NKIRAS1: variants seen among roughly 807,000 people sequenced by gnomAD.
NKIRAS1 encodes NF-kappa-B inhibitor-interacting Ras-like protein 1.
A neutral mutation model predicts 19.8 loss-of-function variants in NKIRAS1; 16 were observed. The observed-to-expected ratio is 0.81, with a 90% CI of 0.55 to 1.23. The LOEUF (loss-of-function observed/expected upper bound fraction) is 1.23, where lower values mean the gene tolerates loss of function less well. Ranked by LOEUF, NKIRAS1 falls within the 50% of genes most tolerant of loss-of-function variation. NKIRAS1 has a pLI of 0.00. For synonymous variants in NKIRAS1, 88 were observed against 79.0 expected (o/e 1.11, Z -0.61); for missense variants, 184 against 220.0 (o/e 0.84, Z 1.04).
intron 4 of NKIRAS1, among the ~76,000 whole-genome samples, chr3:23,895,511 T>G (rs777088746): frequency 1.3e-5 from 2 of 152,144 alleles, no homozygotes; most frequent in African/African-American, 2.4e-5. Flanking sequence ...CCAGCTTAGA[T>G]TATTTTTATT....
intron 1 of NKIRAS1, among the ~76,000 whole-genome samples, chr3:23,915,295 A>G (rs947836409): frequency 2.0e-5 from 3 of 152,320 alleles, no homozygotes; most frequent in South Asian, 4.1e-4. Context: ...GGCAGGCTTC[A>G]TAAGGTGGAA....
intron 4 of NKIRAS1, among the ~76,000 whole-genome samples, chr3:23,894,285 G>A (rs146789371): frequency 9.7e-4 from 148 of 152,302 alleles, no homozygotes; most frequent in Non-Finnish European, 1.6e-3. Flanking sequence ...ACAATGGGCA[G>A]CAAGAACTGT....
intron 1 of NKIRAS1, among the ~76,000 whole-genome samples, chr3:23,938,866 G>A (rs188711074): frequency 6.6e-6 from 1 of 152,330 alleles, no homozygotes; most frequent in East Asian, 1.9e-4. Context: ...CCCTGAGGCT[G>A]CCATGTTGTG....
upstream of NKIRAS1, chr3:23,918,591 G>A (rs752373728): frequency 1.9e-6 from 3 of 1,612,276 alleles, no homozygotes; most frequent in African/African-American, 4.0e-5. Context: ...ATGGTTTTGA[G>A]TAGCAGTTAT....
chr3:23,917,877 C>T (rs774562896), upstream of NKIRAS1: 8 of 1,608,946 alleles, frequency 5.0e-6, no homozygotes, highest in East Asian at 1.6e-4. Flanking sequence ...CATACAAGTA[C>T]ATCCAGGAGC....
At position 23,891,686 on chromosome 3, in the gene NKIRAS1, C is replaced by CTT. The variant is rs1701482943; in HGVS notation, c.*1408_*1409insAA. 9.4e-6 allele frequency: 1 copy of CTT among 105,828 alleles called. No individual in the cohort carries two copies. Among genetic ancestry groups the CTT allele is most frequent in the African/African-American group, 5.4e-5 (1 of 18,556 alleles). 6.6% of individuals were successfully genotyped at this position (105,828 alleles called of 1,614,324 possible). ...ACCCAGCAGTTCTGTTTCTGTATGT[C>CTT]TCTTTCAGAGAAACTTATCTGGATA... On this transcript the variant is annotated 3_prime_UTR_variant, in exon 5 of 5. Coordinates refer to ENST00000425478, the MANE Select transcript of NKIRAS1 (RefSeq NM_020345.4).
chr3:23,946,173 C>A, intron 1 of NKIRAS1: 1 of 985,246 alleles, frequency 1.0e-6, no homozygotes. Flanking sequence ...CGTGCGCGCC[C>A]GCTGAGCCCC....
chr3:23,916,311 AAAAAAAAACCCGC>A (rs1704417077), intron 1 of NKIRAS1: 1 of 147,426 alleles, frequency 6.8e-6, no homozygotes. Flanking sequence ...TTCTCAATTT[AAAAAAAAACCCGC>A]AACGCAAAAT....
intron 1 of NKIRAS1, among the ~76,000 whole-genome samples, chr3:23,942,225 T>G (rs560383052): frequency 3.9e-5 from 6 of 152,054 alleles, no homozygotes; most frequent in Non-Finnish European, 8.8e-5. Context: ...GAGATCCGCC[T>G]GCCTTGACCT....
intron 4 of NKIRAS1, among the ~76,000 whole-genome samples, chr3:23,894,371 T>A (rs996084309): frequency 1.3e-5 from 2 of 152,238 alleles, no homozygotes; most frequent in African/African-American, 2.4e-5. Flanking sequence ...TGTCTGTACA[T>A]TGAGCTTGAG....
chr3:23,916,775 G>C lies in NKIRAS1; in HGVS notation c.-140+9C>G, dbSNP rs544991789. The C allele has an allele frequency of 2.0e-5, 3 of 152,828 alleles. No homozygotes were observed. The highest frequency in any genetic ancestry group is 1.9e-4 in the East Asian group (1 of 5,174). The allele number at this position is 152,828 out of a possible 1,614,324, so 9.5% of individuals were successfully genotyped here. A position where few individuals can be genotyped will look rare whatever the true frequency, so the allele number is the denominator to read the frequency against. On this transcript the variant is annotated intron_variant, in intron 1 of 4. Coordinates refer to ENST00000425478, the MANE Select transcript of NKIRAS1 (RefSeq NM_020345.4). ...CGCAGGGGGAGAGCCCGCGGTGCGT[G>C]AAACAAACCTGTTCTCTCCTCAGAC...
intron 1 of NKIRAS1, among the ~76,000 whole-genome samples, chr3:23,935,544 C>T (rs982272225): frequency 6.6e-6 from 1 of 152,126 alleles, no homozygotes; most frequent in African/African-American, 2.4e-5. Flanking sequence ...ACCTCAGCAT[C>T]CCAAGGAACT....
At chr3:23,918,723 A>G (rs941818348), upstream of NKIRAS1, 11 of 938,190 alleles carry the variant, frequency 1.2e-5, no homozygotes, top group Non-Finnish European at 1.7e-5. Flanking sequence ...GTGAAGAGTA[A>G]TTGCTTGAAA....
intron 1 of NKIRAS1, among the ~76,000 whole-genome samples, chr3:23,912,752 T>C (rs1703890670): frequency 2.0e-5 from 3 of 152,180 alleles, no homozygotes; most frequent in African/African-American, 2.4e-5. Context: ...GTATGTTTAA[T>C]GGGGCACTAT....
intron 3 of NKIRAS1, among the ~76,000 whole-genome samples, chr3:23,901,340 A>G (rs9836860): frequency 0.19 from 28,097 of 151,710 alleles, 2,621 homozygotes; most frequent in Non-Finnish European, 0.21. Context: ...AGGTGCCATC[A>G]TGCCCAGTGA....
At chr3:23,946,145 A>C (rs534198605) in intron 1 of NKIRAS1, 2 of 984,730 alleles carry the variant, frequency 2.0e-6, no homozygotes, top group Admixed American at 6.1e-5. Context: ...GGGGTTGCAC[A>C]CTGCGGAGGA....
In NKIRAS1 at chr3:23,922,705, A is replaced by G. The variant is rs368845468; in HGVS notation, c.-139-11255T>C. The G allele has an allele frequency of 1.9e-4, 29 of 152,326 alleles. No individual in the cohort carries two copies. The highest frequency in any genetic ancestry group is 5.5e-4 in the African/African-American group (23 of 41,570). The allele number at this position is 152,326 out of a possible 1,614,324, so 9.4% of individuals were successfully genotyped here. On this transcript the variant is annotated intron_variant, in intron 1 of 4. Transcript: ENST00000421515. This position sits in a 1 kb window ranked among gnomAD's most constrained non-coding sequence, Gnocchi z 4.2. Reference sequence around the variant, plus strand: ...GTGGCCAACTTAAAGTTTTTGATAGATAATACATTAACGTTAAAAATTCAA... The same window carrying G: ...GTGGCCAACTTAAAGTTTTTGATAGGTAATACATTAACGTTAAAAATTCAA...
At chr3:23,913,449 A>G (rs866283707) in intron 1 of NKIRAS1, among the ~76,000 whole-genome samples, 1 of 152,218 alleles carries the variant, frequency 6.6e-6, no homozygotes, top group African/African-American at 2.4e-5. Flanking sequence ...TGCCTTCCAA[A>G]TAGGAAACAA....
At chr3:23,936,773 C>T (rs1005128110) in intron 1 of NKIRAS1, among the ~76,000 whole-genome samples, 11 of 152,186 alleles carry the variant, frequency 7.2e-5, no homozygotes, top group East Asian at 1.9e-4. Context: ...GTCTCGATCT[C>T]CTGACCTTGT....
Sources: gnomAD v4.1 joint callset for allele counts (sites outside exome capture counted in the v4.1 genomes callset) on GRCh38, gnomAD v4.1.1 for gene constraint, Gnocchi (gnomAD v3.1) non-coding constraint, MANE v1.5 for transcripts, NCBI Gene and HGNC (gene_info 2026-07-23, HGNC 2026-07-21) for gene names.